The following DPYD variants were observed in gnomAD, a reference collection of about 807,000 sequenced individuals.
DPYD encodes the protein dihydropyrimidine dehydrogenase [NADP(+)].
In DPYD, 109 loss-of-function variants were observed where a neutral mutation model predicts 116.2. That is an observed-to-expected ratio of 0.94 (90% CI 0.80 to 1.10). The LOEUF (loss-of-function observed/expected upper bound fraction) is 1.10. DPYD is among the 50% of genes least tolerant of loss of function. DPYD has a pLI of 0.00. For missense variants in DPYD, 1,302 were observed against 1,254.5 expected (o/e 1.04, Z -0.57); for synonymous variants, 440 against 432.0 (o/e 1.02, Z -0.23).
intron 10 of DPYD, among the ~76,000 whole-genome samples, chr1:97,583,677 G>T (rs146050342): frequency 4.4e-5 from 6 of 136,098 alleles, no homozygotes; most frequent in South Asian, 4.6e-4. Context: ...TAGTTCTCAG[G>T]TATCTTTTAA....
chr1:97,441,529 G>A (rs116367593), intron 14 of DPYD, among the ~76,000 whole-genome samples: 2,483 of 152,094 alleles, frequency 0.016, 19 homozygotes, highest in Non-Finnish European at 0.024. Flanking sequence ...ATTCATTGTA[G>A]TTTTAATTTC....
intron 16 of DPYD, among the ~76,000 whole-genome samples, chr1:97,314,493 T>C (rs1015724174): frequency 6.9e-6 from 1 of 144,798 alleles, no homozygotes; most frequent in Non-Finnish European, 1.5e-5. Flanking sequence ...AAGCTTTCTT[T>C]TTTTTTTTTT....
At chr1:97,800,046 A>T (rs1472811246) in intron 3 of DPYD, among the ~76,000 whole-genome samples, 1 of 151,972 alleles carries the variant, frequency 6.6e-6, no homozygotes, top group Admixed American at 6.6e-5. Flanking sequence ...AGAAACATTC[A>T]AATTCCATAT....
chr1:97,484,251 C>T (rs1030425558), intron 13 of DPYD, among the ~76,000 whole-genome samples: 4 of 152,104 alleles, frequency 2.6e-5, no homozygotes, highest in Admixed American at 6.5e-5. Flanking sequence ...TTGCAGTGAG[C>T]GGAGATAGCA....
chr1:97,593,413 T>A lies in DPYD; in HGVS notation c.959-26A>T, dbSNP rs564939016. ...CTGAATGATGAAAGGAAAACCCCAT[T>A]TTCAAGTAGAGAAACCATTTCTGCA... On this transcript the variant is annotated intron_variant, in intron 9 of 22. Transcript: ENST00000370192. The A allele has an allele frequency of 3.7e-6, 6 of 1,613,142 alleles. No individual in the cohort carries two copies. The Admixed American group carries it at 1.0e-4, about 27-fold the overall frequency.
At chr1:97,912,040 C>T (rs1290208832) in intron 1 of DPYD, among the ~76,000 whole-genome samples, 1 of 152,052 alleles carries the variant, frequency 6.6e-6, no homozygotes, top group African/African-American at 2.4e-5. Context: ...GATGCCTGCC[C>T]GTTCTGTTAC....
intron 14 of DPYD, among the ~76,000 whole-genome samples, chr1:97,431,224 A>G (rs1364700898): frequency 6.6e-6 from 1 of 152,144 alleles, no homozygotes; most frequent in Non-Finnish European, 1.5e-5. Context: ...GTTCTAAAAT[A>G]ATGTCTGGCA....
intron 13 of DPYD, among the ~76,000 whole-genome samples, chr1:97,485,553 T>G (rs1402522223): frequency 3.1e-4 from 47 of 152,194 alleles, no homozygotes; most frequent in Non-Finnish European, 8.8e-5. Context: ...TCATTTAATA[T>G]TTTATTCATA....
At chr1:97,825,778 A>G (rs998047066) in intron 3 of DPYD, among the ~76,000 whole-genome samples, 1 of 152,154 alleles carries the variant, frequency 6.6e-6, no homozygotes, top group African/African-American at 2.4e-5. Context: ...TAATAAAAAA[A>G]AAAGAAAGAA....
At chr1:97,854,370 T>A (rs1436035073) in intron 2 of DPYD, among the ~76,000 whole-genome samples, 2 of 152,218 alleles carry the variant, frequency 1.3e-5, no homozygotes, top group Non-Finnish European at 2.9e-5. Context: ...ATATTCTCAA[T>A]CTGATACTCA....
intron 8 of DPYD, among the ~76,000 whole-genome samples, chr1:97,609,876 C>G (rs867483500): frequency 1.5e-4 from 23 of 151,840 alleles, no homozygotes; most frequent in African/African-American, 5.3e-4. Context: ...ATCATCCCAC[C>G]TACACTACAT....
Position 97,918,472 on chromosome 1 carries a change from T to C in DPYD, c.39+2412A>G, listed in dbSNP as rs576361564. Among the ~76,000 whole-genome samples, 48 of 152,334 alleles carry C rather than the reference T, an allele frequency of 3.2e-4. No individual in the cohort carries two copies. In the South Asian group the frequency reaches 9.7e-3, roughly 31 times the overall value. ...ATTCTGAGTAATGAGCTAGGTCCTA[T>C]TACCAAGTAACACATCCTTTCCTTG... On this transcript the variant is annotated intron_variant, in intron 1 of 22. Coordinates refer to ENST00000370192, the MANE Select transcript of DPYD (RefSeq NM_000110.4).
chr1:97,412,386 A>C (rs1674053886), intron 14 of DPYD, among the ~76,000 whole-genome samples: 1 of 152,162 alleles, frequency 6.6e-6, no homozygotes, highest in South Asian at 2.1e-4. Flanking sequence ...AAACTACAAT[A>C]AGGGGTTTGT....
intron 3 of DPYD, among the ~76,000 whole-genome samples, chr1:97,745,673 T>C (rs1323970761): frequency 1.3e-5 from 2 of 152,206 alleles, no homozygotes; most frequent in East Asian, 3.9e-4. Flanking sequence ...TTTATCTTCA[T>C]CCATAACAGA....
intron 1 of DPYD, among the ~76,000 whole-genome samples, chr1:97,919,561 G>A (rs1674392656): frequency 6.6e-6 from 1 of 152,154 alleles, no homozygotes; most frequent in African/African-American, 2.4e-5. Context: ...ACTGTCAGAA[G>A]CTTGTTTTTC....
chr1:97,768,380 C>T (rs376176972), intron 3 of DPYD, among the ~76,000 whole-genome samples: 3 of 152,174 alleles, frequency 2.0e-5, no homozygotes, highest in East Asian at 3.9e-4. Context: ...TTTATTTCAA[C>T]GTGAATTGAT....
intron 8 of DPYD, among the ~76,000 whole-genome samples, chr1:97,671,086 TA>T (rs572754942): frequency 8.1e-4 from 123 of 152,166 alleles, no homozygotes; most frequent in African/African-American, 2.9e-3. Context: ...TTTTTTAAAA[TA>T]AAAAGAATAT....
chr1:97,720,098 C>T (rs976549577), intron 5 of DPYD: 2 of 984,790 alleles, frequency 2.0e-6, no homozygotes, highest in Non-Finnish European at 1.2e-6. Context: ...AGAATTAAAA[C>T]CATGTGAGAG....
intron 3 of DPYD, among the ~76,000 whole-genome samples, chr1:97,780,141 T>G (rs1174109671): frequency 6.6e-6 from 1 of 152,076 alleles, no homozygotes; most frequent in Non-Finnish European, 1.5e-5. Context: ...AAAAGAGTAT[T>G]AACTTATTGT....
Sources: gnomAD v4.1 joint callset for allele counts (sites outside exome capture counted in the v4.1 genomes callset) on GRCh38, gnomAD v4.1.1 for gene constraint, MANE v1.5 for transcripts, NCBI Gene and HGNC (gene_info 2026-07-23, HGNC 2026-07-21) for gene names.